The following PLPP1 variants were observed in gnomAD, a reference collection of about 807,000 sequenced individuals.
The protein encoded by PLPP1 is phospholipid phosphatase 1.
In PLPP1, 24 loss-of-function variants were observed where a neutral mutation model predicts 31.2. That is an observed-to-expected ratio of 0.77 (90% CI 0.56 to 1.08). The LOEUF (loss-of-function observed/expected upper bound fraction) is 1.08. PLPP1 is among the 50% of genes least tolerant of loss of function. The pLI is 0.00. For synonymous variants in PLPP1, 146 were observed against 126.3 expected, an observed-to-expected ratio of 1.16 and a Z score of -1.05; for missense variants, 319 against 342.7, an observed-to-expected ratio of 0.93 and a Z score of 0.55.
At chr5:55,458,421 C>A (rs1752068583) in intron 3 of PLPP1, among the ~76,000 whole-genome samples, 1 of 149,784 alleles carries the variant, frequency 6.7e-6, no homozygotes, top group Non-Finnish European at 1.5e-5. Context: ...CATGTATTAA[C>A]CTTAAAAAAA....
intron 4 of PLPP1, among the ~76,000 whole-genome samples, chr5:55,433,371 G>A (rs1261493970): frequency 1.9e-4 from 27 of 144,436 alleles, no homozygotes; most frequent in Non-Finnish European, 3.9e-4. Context: ...TGTATAACAG[G>A]AAATCAAACT....
intron 4 of PLPP1, among the ~76,000 whole-genome samples, chr5:55,428,855 T>G (rs777117073): frequency 2.0e-5 from 3 of 152,162 alleles, no homozygotes; most frequent in Non-Finnish European, 4.4e-5. Flanking sequence ...ACTTCTCTTT[T>G]AAGAGTAGGA....
At chr5:55,479,649 G>C (rs943934423) in intron 1 of PLPP1, among the ~76,000 whole-genome samples, 1 of 152,180 alleles carries the variant, frequency 6.6e-6, no homozygotes, top group Non-Finnish European at 1.5e-5. Flanking sequence ...GGGTGAAATG[G>C]GAAAGTAGCT....
intron 2 of PLPP1, among the ~76,000 whole-genome samples, chr5:55,473,405 A>G (rs1752463954): frequency 6.6e-6 from 1 of 152,200 alleles, no homozygotes; most frequent in Admixed American, 6.6e-5. Context: ...CTCTGCCTTC[A>G]AGGAGCTCAC....
chr5:55,475,601 C>T (rs1199960578), intron 1 of PLPP1, 151 bp from the exon 2 acceptor site: 2 of 671,274 alleles, frequency 3.0e-6, no homozygotes, highest in Non-Finnish European at 4.8e-6. Context: ...GCAATGCATG[C>T]AACGGAAGTT....
At chr5:55,426,151 C>G in intron 4 of PLPP1, 112 bp from the exon 5 acceptor site, 7 of 960,270 alleles carry the variant, frequency 7.3e-6, no homozygotes, top group Non-Finnish European at 1.1e-5. Flanking sequence ...ATATAGGGAA[C>G]AGGACTTCTA....
chr5:55,430,338 C>T (rs973528413), intron 4 of PLPP1, among the ~76,000 whole-genome samples: 1 of 152,234 alleles, frequency 6.6e-6, no homozygotes, highest in African/African-American at 2.4e-5. Flanking sequence ...CCCCAGGGCC[C>T]AAGGACAGGC....
intron 1 of PLPP1, among the ~76,000 whole-genome samples, chr5:55,513,278 A>ATTTTTTTTTG (rs1203054710): frequency 8.2e-6 from 1 of 121,380 alleles, no homozygotes; most frequent in African/African-American, 3.1e-5. Flanking sequence ...CTTTTTTTTT[A>ATTTTTTTTTG]AGACAGAGTC....
intron 1 of PLPP1, among the ~76,000 whole-genome samples, chr5:55,490,063 A>T (rs1752854235): frequency 6.6e-6 from 1 of 152,168 alleles, no homozygotes; most frequent in Non-Finnish European, 1.5e-5. Context: ...TAATTATTTA[A>T]CAGTGAAGCC....
Position 55,500,076 on chromosome 5 carries a change from AAT to A in PLPP1, c.59-24628_59-24627del, listed in dbSNP as rs1491290640. ...TATGGTATAATTTGATTTCTCTAAA[AAT>A]TTTTTTTTTTTTTTTTTTTGAGACA... is the stretch of plus-strand genomic sequence containing the variant. On this transcript the variant is annotated intron_variant, in intron 1 of 5. Transcript: ENST00000307259. Among the ~76,000 whole-genome samples, 49 of 115,528 alleles carry A rather than the reference AAT, an allele frequency of 4.2e-4. No homozygotes were observed. In the South Asian group the frequency reaches 0.015, roughly 34 times the overall value. 75.8% of individuals were successfully genotyped at this position (115,528 alleles called of 152,430 possible).
At chr5:55,518,076 G>A (rs571312119) in intron 1 of PLPP1, among the ~76,000 whole-genome samples, 54 of 152,128 alleles carry the variant, frequency 3.5e-4, no homozygotes, top group East Asian at 1.4e-3. Context: ...CTCGTGATCC[G>A]CCTGCCTCGG....
At chr5:55,520,579 T>C (rs1462006298) in intron 1 of PLPP1, among the ~76,000 whole-genome samples, 1 of 152,200 alleles carries the variant, frequency 6.6e-6, no homozygotes, top group Non-Finnish European at 1.5e-5. Flanking sequence ...TAGCATCATC[T>C]CTTTCCTCAT....
chr5:55,434,779 T>G (rs1751453686), intron 4 of PLPP1, among the ~76,000 whole-genome samples: 1 of 152,136 alleles, frequency 6.6e-6, no homozygotes, highest in Non-Finnish European at 1.5e-5. Flanking sequence ...CAGACTTAAA[T>G]GTAAGACCTG....
rs1458578194 is a variant in PLPP1, at chr5:55,500,079, T to G, written c.59-24629A>C. Among the ~76,000 whole-genome samples the G allele has an allele frequency of 5.3e-3, 45 of 8,434 alleles. No individual in the cohort carries two copies. In the South Asian group the frequency reaches 0.19, roughly 36 times the overall value. The allele number at this position is 8,434 out of a possible 152,430, so 5.5% of individuals were successfully genotyped here. A position where few individuals can be genotyped will look rare whatever the true frequency, so the allele number is the denominator to read the frequency against. On this transcript the variant is annotated intron_variant, in intron 1 of 5. Coordinates refer to ENST00000307259, the MANE Select transcript of PLPP1 (RefSeq NM_003711.4). The stretch of plus-strand genomic sequence containing the variant: ...GGTATAATTTGATTTCTCTAAAAAT[T>G]TTTTTTTTTTTTTTTTTTGAGACAG...
rs1267291995 is a variant in PLPP1 at position 55,528,871 on chromosome 5, T to G, written c.58+5701A>C. ...CAGTGAATCCACTCTTAGTCCTTTA[T>G]TCTGTGATTTGGGCCTTCTACAAAA... On this transcript the variant is annotated intron_variant, in intron 1 of 5. Transcript: ENST00000307259. Among the ~76,000 whole-genome samples, 3 of 152,194 alleles carry G rather than the reference T, an allele frequency of 2.0e-5. No individual in the cohort carries two copies. The East Asian group carries it at 5.8e-4, about 29-fold the overall frequency.
intron 1 of PLPP1, among the ~76,000 whole-genome samples, chr5:55,534,293 A>C (rs1740794984): frequency 6.6e-6 from 1 of 152,150 alleles, no homozygotes; most frequent in African/African-American, 2.4e-5. Context: ...GTGGAACTGC[A>C]AACAGAGGAC....
intron 1 of PLPP1, among the ~76,000 whole-genome samples, chr5:55,505,560 T>C (rs1753255757): frequency 6.6e-6 from 1 of 152,006 alleles, no homozygotes; most frequent in Admixed American, 6.6e-5. Flanking sequence ...ATCTTAACAA[T>C]TCTGTAACGG....
intron 4 of PLPP1, among the ~76,000 whole-genome samples, chr5:55,433,683 CAG>C (rs1751422858): frequency 6.8e-6 from 1 of 148,014 alleles, no homozygotes; most frequent in African/African-American, 2.5e-5. Context: ...CCATTTCCAA[CAG>C]AGACGGTTTC....
At position 55,475,456 on chromosome 5, in the gene PLPP1, A is replaced by G; in HGVS notation, c.59-6T>C. 1.6e-5 allele frequency: 25 copies of G among 1,590,066 alleles called. No homozygotes were observed. The highest frequency in any genetic ancestry group is 2.1e-5 in the Non-Finnish European group (25 of 1,169,860). On this transcript the variant is annotated splice_region_variant and splice_polypyrimidine_tract_variant and intron_variant, in intron 1 of 5. Coordinates refer to ENST00000307259, the MANE Select transcript of PLPP1 (RefSeq NM_003711.4). ...AATTGCAAAAGGCAATCCAGCTAGC[A>G]AAAGGGAATAAATGAAAATATCATT...
Sources: allele counts gnomAD v4.1 joint callset (sites outside exome capture counted in the v4.1 genomes callset), GRCh38; gene constraint gnomAD v4.1.1; transcripts MANE v1.5; gene names NCBI Gene and HGNC (gene_info 2026-07-23, HGNC 2026-07-21).